Variants in SPHKAP observed in about 807,000 individuals in gnomAD.
The protein encoded by SPHKAP is A-kinase anchor protein SPHKAP.
Under a neutral mutation model 137.5 loss-of-function variants are expected in SPHKAP, and 67 were observed. The observed-to-expected ratio is 0.49, with a 90% confidence interval of 0.40 to 0.60. The LOEUF is 0.60. Among genes scored for constraint, SPHKAP ranks in the 20% least tolerant of loss-of-function variants. The probability of loss-of-function intolerance (pLI) is 0.00; values close to 1 mark genes in which losing one functional copy is unlikely to be tolerated. For synonymous variants in SPHKAP, 813 were observed against 785.3 expected (o/e 1.04, Z -0.59); for missense variants, 2,097 against 2,069.3 (o/e 1.01, Z -0.26).
chr2:228,035,337 C>T (rs1357105137), intron 3 of SPHKAP, among the ~76,000 whole-genome samples: 1 of 151,776 alleles, frequency 6.6e-6, no homozygotes, highest in Non-Finnish European at 1.5e-5. Context: ...ATGTGAAGGA[C>T]CTCTTCAAGG....
intron 1 of SPHKAP, among the ~76,000 whole-genome samples, chr2:228,174,493 A>G (rs62201119): frequency 0.17 from 25,756 of 152,118 alleles, 2,648 homozygotes; most frequent in Middle Eastern, 0.26. Context: ...CCTAGAGACC[A>G]AGTTCTGGCT....
intron 3 of SPHKAP, among the ~76,000 whole-genome samples, chr2:228,053,223 C>T (rs760349659): frequency 6.6e-6 from 1 of 152,070 alleles, no homozygotes; most frequent in East Asian, 1.9e-4. Flanking sequence ...AAAATCAGGA[C>T]CCCATTCTCA....
chr2:228,113,052 A>G (rs945197339), intron 2 of SPHKAP, among the ~76,000 whole-genome samples: 1 of 152,194 alleles, frequency 6.6e-6, no homozygotes, highest in Non-Finnish European at 1.5e-5. Context: ...GCCGTGCTTA[A>G]GAAGAAATGT....
intron 2 of SPHKAP, among the ~76,000 whole-genome samples, chr2:228,111,723 G>T (rs1367989782): frequency 2.6e-5 from 4 of 151,960 alleles, no homozygotes; most frequent in Admixed American, 1.3e-4. Flanking sequence ...AATCTTTACA[G>T]AAATTTTCAG....
intron 2 of SPHKAP, among the ~76,000 whole-genome samples, chr2:228,127,697 G>A (rs911490996): frequency 3.9e-5 from 6 of 152,068 alleles, no homozygotes; most frequent in Non-Finnish European, 7.4e-5. Flanking sequence ...GCAGATCCAA[G>A]GATGATCTTG....
intron 2 of SPHKAP, among the ~76,000 whole-genome samples, chr2:228,128,878 C>G (rs1339943195): frequency 6.6e-6 from 1 of 152,062 alleles, no homozygotes; most frequent in African/African-American, 2.4e-5. Flanking sequence ...TTCAGTAAAC[C>G]ATGCTGTAAA....
intron 4 of SPHKAP, among the ~76,000 whole-genome samples, 158 bp downstream of exon 4, chr2:228,027,326 C>G (rs182644704): frequency 1.3e-5 from 2 of 152,088 alleles, no homozygotes; most frequent in African/African-American, 4.8e-5. Context: ...AAAGGGCAAA[C>G]GGTAGAGGGT....
chr2:228,100,506 A>C (rs1355932654), intron 3 of SPHKAP, among the ~76,000 whole-genome samples: 1 of 151,948 alleles, frequency 6.6e-6, no homozygotes, highest in Non-Finnish European at 1.5e-5. Context: ...TATTATTTTG[A>C]GGTATGTTAC....
chr2:228,137,780 T>C (rs771337448), intron 1 of SPHKAP, among the ~76,000 whole-genome samples: 5 of 152,146 alleles, frequency 3.3e-5, no homozygotes, highest in Non-Finnish European at 4.4e-5. Flanking sequence ...AACCAAAAAT[T>C]GAGAGGATTT....
chr2:228,041,621 T>A (rs1387468354), intron 3 of SPHKAP, among the ~76,000 whole-genome samples: 2 of 133,032 alleles, frequency 1.5e-5, no homozygotes, highest in African/African-American at 5.8e-5. Flanking sequence ...CTCTCCAGCC[T>A]GGGTGACAGA....
intron 1 of SPHKAP, among the ~76,000 whole-genome samples, chr2:228,162,939 T>A (rs1700317957): frequency 6.6e-6 from 1 of 152,146 alleles, no homozygotes; most frequent in African/African-American, 2.4e-5. Flanking sequence ...CCTCAGTTGA[T>A]CCATCCAGCT....
intron 7 of SPHKAP, among the ~76,000 whole-genome samples, chr2:228,007,070 T>G (rs775459466): frequency 1.3e-5 from 2 of 152,120 alleles, no homozygotes; most frequent in African/African-American, 2.4e-5. Context: ...CAAAGCTCAG[T>G]TGGAAATGCA....
At chr2:228,073,794 T>A (rs1697082717) in intron 3 of SPHKAP, among the ~76,000 whole-genome samples, 1 of 152,118 alleles carries the variant, frequency 6.6e-6, no homozygotes, top group Non-Finnish European at 1.5e-5. Context: ...GGACTGAGGG[T>A]TTACAAGCAT....
chr2:228,086,647 C>T (rs1258878697), intron 3 of SPHKAP, among the ~76,000 whole-genome samples: 1 of 152,110 alleles, frequency 6.6e-6, no homozygotes, highest in Non-Finnish European at 1.5e-5. Flanking sequence ...CTAAGAAAGT[C>T]AAACCGGACC....
At chr2:228,127,799 C>G (rs1292426913) in intron 2 of SPHKAP, among the ~76,000 whole-genome samples, 1 of 152,146 alleles carries the variant, frequency 6.6e-6, no homozygotes, top group African/African-American at 2.4e-5. Flanking sequence ...CAGACCCCCA[C>G]AACAGAGCAA....
chr2:228,069,182 G>A (rs769303960), intron 3 of SPHKAP, among the ~76,000 whole-genome samples: 1 of 152,126 alleles, frequency 6.6e-6, no homozygotes, highest in South Asian at 2.1e-4. Context: ...TGGGAGAATC[G>A]CTTGAACCTG....
intron 1 of SPHKAP, among the ~76,000 whole-genome samples, chr2:228,170,598 G>C (rs1483599157): frequency 2.0e-5 from 3 of 152,084 alleles, no homozygotes. Flanking sequence ...ATAACTCTCT[G>C]AAGGTTCAGA....
intron 3 of SPHKAP, chr2:228,028,016 C>T: frequency 2.6e-5 from 26 of 984,666 alleles, no homozygotes; most frequent in Non-Finnish European, 3.1e-5. Flanking sequence ...ACTTTTGAGC[C>T]TCCAAATAGC....
intron 7 of SPHKAP, among the ~76,000 whole-genome samples, chr2:228,004,538 T>C (rs1694050887): frequency 6.6e-6 from 1 of 152,246 alleles, no homozygotes; most frequent in South Asian, 2.1e-4. Flanking sequence ...ATGAAGGGTT[T>C]TTTGTGTCTC....
Sources: allele counts gnomAD v4.1 joint callset (sites outside exome capture counted in the v4.1 genomes callset), GRCh38; gene constraint gnomAD v4.1.1; transcripts MANE v1.5; gene names NCBI Gene and HGNC (gene_info 2026-07-23, HGNC 2026-07-21).